Variants in DDX31 observed in about 807,000 individuals in gnomAD.
DDX31 encodes the protein DEAD-box helicase 31.
DDX31 carries 70 observed loss-of-function variants against 91.3 expected under a neutral mutation model. That is an observed-to-expected ratio of 0.77 (90% CI 0.63 to 0.94). DDX31 has a LOEUF of 0.94. Ranked by LOEUF, DDX31 falls within the 40% of genes least tolerant of loss-of-function variation. The probability of loss-of-function intolerance (pLI) is 0.00; values close to 1 mark genes in which losing one functional copy is unlikely to be tolerated. For synonymous variants in DDX31, 362 were observed against 350.6 expected, an observed-to-expected ratio of 1.03 and a Z score of -0.36; for missense variants, 902 against 925.0, an observed-to-expected ratio of 0.98 and a Z score of 0.32.
chr9:132,627,644 T>TA (rs533800630), intron 16 of DDX31, among the ~76,000 whole-genome samples: 109 of 152,282 alleles, frequency 7.2e-4, no homozygotes, highest in African/African-American at 2.5e-3. Context: ...AGTTGACAAA[T>TA]ACAAAGAAGT....
intron 15 of DDX31, among the ~76,000 whole-genome samples, chr9:132,631,125 A>G (rs1251838402): frequency 6.6e-6 from 1 of 152,258 alleles, no homozygotes; most frequent in Non-Finnish European, 1.5e-5. Context: ...TTCTTTGGCA[A>G]TAACTTTGTC....
chr9:132,640,889 C>T (rs945812137), intron 14 of DDX31, among the ~76,000 whole-genome samples: 1 of 152,128 alleles, frequency 6.6e-6, no homozygotes, highest in Admixed American at 6.5e-5. Flanking sequence ...AGAACAAGCT[C>T]GAGCATCTGA....
chr9:132,609,902 G>GAA (rs1267718298), intron 19 of DDX31, among the ~76,000 whole-genome samples: 1 of 152,158 alleles, frequency 6.6e-6, no homozygotes, highest in African/African-American at 2.4e-5. Flanking sequence ...TTATAAGAGT[G>GAA]AGTCACCGCG....
At chr9:132,652,372 A>G in intron 7 of DDX31, 76 bp downstream of exon 7, 1 of 1,574,448 alleles carries the variant, frequency 6.4e-7, no homozygotes, top group South Asian at 1.1e-5. Context: ...GAAACATGGT[A>G]AAACCACTTT....
intron 14 of DDX31, among the ~76,000 whole-genome samples, chr9:132,638,762 C>A (rs1375585840): frequency 6.6e-6 from 1 of 152,168 alleles, no homozygotes; most frequent in African/African-American, 2.4e-5. Flanking sequence ...CACACATGCA[C>A]CCTTAACTGT....
At chr9:132,599,434 G>A (rs539775628) in intron 19 of DDX31, among the ~76,000 whole-genome samples, 21 of 152,310 alleles carry the variant, frequency 1.4e-4, no homozygotes, top group African/African-American at 4.8e-4. Context: ...GTATGTATAC[G>A]TGCAAAGTCT....
At position 132,659,797 on chromosome 9, in the gene DDX31, A is replaced by G; in HGVS notation, c.453-17T>C. The stretch of plus-strand genomic sequence containing the variant: ...TTCTGAACACTGGGCCACCCGAAAA[A>G]AAGAACACACTTTACCTATATTACC... On this transcript the variant is annotated splice_polypyrimidine_tract_variant and intron_variant, in intron 4 of 19. Transcript: ENST00000372159. 1 of 1,611,468 alleles carries G rather than the reference A, an allele frequency of 6.2e-7. No individual in the cohort carries two copies. Among genetic ancestry groups the G allele is most frequent in the Non-Finnish European group, 8.5e-7 (1 of 1,178,600 alleles).
At chr9:132,652,056 G>A (rs937730585) in intron 7 of DDX31, among the ~76,000 whole-genome samples, 1 of 151,872 alleles carries the variant, frequency 6.6e-6, no homozygotes, top group East Asian at 1.9e-4. Flanking sequence ...TAACTTTTAG[G>A]AACAAGTAAC....
intron 1 of DDX31, among the ~76,000 whole-genome samples, chr9:132,666,434 A>G (rs1331904590): frequency 6.6e-6 from 1 of 152,078 alleles, no homozygotes; most frequent in African/African-American, 2.4e-5. Context: ...GGCAACAAGC[A>G]TTGTCTGAGT....
chr9:132,645,892 C>T lies in DDX31; in HGVS notation c.1380+3G>A, dbSNP rs747106390. 1.2e-6 allele frequency: 2 copies of T among 1,610,146 alleles called. No homozygotes were observed. Among genetic ancestry groups the T allele is most frequent in the South Asian group, 2.2e-5 (2 of 90,698 alleles). ...GTCGCTGCACAGGGAGATCAGTGCTCACCTCCTGCTCCATGCCGCCATGCA... is the reference window on the plus strand; with the variant it reads ...GTCGCTGCACAGGGAGATCAGTGCTTACCTCCTGCTCCATGCCGCCATGCA... On this transcript the variant is annotated splice_donor_region_variant and intron_variant, in intron 13 of 19. Transcript: ENST00000372159.
At chr9:132,656,247 T>C (rs1834556033) in intron 6 of DDX31, among the ~76,000 whole-genome samples, 1 of 152,206 alleles carries the variant, frequency 6.6e-6, no homozygotes, top group South Asian at 2.1e-4. Context: ...GGTCAAATCA[T>C]TTTACAATGA....
chr9:132,643,090 C>T (rs1226539349), intron 13 of DDX31, among the ~76,000 whole-genome samples: 1 of 152,188 alleles, frequency 6.6e-6, no homozygotes, highest in Non-Finnish European at 1.5e-5. Context: ...TCCCAAAGTG[C>T]TAGGATTACA....
At chr9:132,667,967 G>A (rs1203909111) in intron 1 of DDX31, among the ~76,000 whole-genome samples, 2 of 152,168 alleles carry the variant, frequency 1.3e-5, no homozygotes, top group East Asian at 1.9e-4. Flanking sequence ...GATAGGAAAA[G>A]TGAGAATCAG....
rs748324853 is a variant in DDX31 at position 132,648,280 on chromosome 9, A to G, written c.876T>C (p.Gly292=). The G allele has an allele frequency of 6.2e-7, 1 of 1,610,404 alleles. No individual in the cohort carries two copies. Among genetic ancestry groups the G allele is most frequent in the East Asian group, 2.2e-5 (1 of 44,870 alleles). ...FDEADRILDL[G]FEKDITVILN... ...GTATCACTGTGATGTCCTTTTCAAA[A>G]CCCAAATCCAAGATTCTGTGATTGT... Residue 292 remains glycine, a synonymous_variant, in exon 11 of 20, where the codon GGT becomes GGC. Coordinates refer to ENST00000372159, the MANE Select transcript of DDX31 (RefSeq NM_022779.9).
chr9:132,659,144 T>C (rs185437440), intron 5 of DDX31, among the ~76,000 whole-genome samples: 30 of 152,320 alleles, frequency 2.0e-4, no homozygotes, highest in Non-Finnish European at 1.2e-4. Context: ...AGCCAGTCTG[T>C]ACTCTAGAGC....
intron 14 of DDX31, chr9:132,637,912 C>T (rs1169949934): frequency 2.0e-6 from 2 of 994,362 alleles, no homozygotes; most frequent in Non-Finnish European, 2.4e-6. Flanking sequence ...CATTGTGACT[C>T]TTCACAGCCG....
In DDX31 at chr9:132,646,961, G is replaced by C. The variant is rs1008048353; in HGVS notation, c.1065C>G (p.Val355=). The change falls in exon 12 of 20, where the codon GTC becomes GTG. Residue 355 remains valine, a synonymous_variant. Coordinates refer to ENST00000372159, the MANE Select transcript of DDX31 (RefSeq NM_022779.9). The part of the protein sequence containing the change: ...HDQLNPKDKA[V]QEVCPPPAGD... ...CAGCTGGTGGAGGACAGACCTCCTG[G>C]ACCGCTTTGTCCTTTGGGTTCAACT... 2 of 1,614,158 alleles carry C rather than the reference G, an allele frequency of 1.2e-6. No individual in the cohort carries two copies. Among genetic ancestry groups the C allele is most frequent in the Non-Finnish European group, 1.7e-6 (2 of 1,180,018 alleles).
chr9:132,655,623 T>G (rs1048437961), intron 6 of DDX31, among the ~76,000 whole-genome samples: 1 of 152,186 alleles, frequency 6.6e-6, no homozygotes, highest in African/African-American at 2.4e-5. Flanking sequence ...TTTTTGGTAC[T>G]CTTTGAAATT....
At chr9:132,610,470 G>A (rs1831260832) in intron 19 of DDX31, among the ~76,000 whole-genome samples, 1 of 152,122 alleles carries the variant, frequency 6.6e-6, no homozygotes, top group African/African-American at 2.4e-5. Context: ...TTCCAAAACT[G>A]GGAAGAGAAT....
Sources: allele counts gnomAD v4.1 joint callset (sites outside exome capture counted in the v4.1 genomes callset), GRCh38; gene constraint gnomAD v4.1.1; transcripts MANE v1.5; gene names NCBI Gene and HGNC (gene_info 2026-07-23, HGNC 2026-07-21).